The following ORC5 variants were observed in gnomAD, a reference collection of about 807,000 sequenced individuals.
ORC5 encodes protein phosphatase 1, regulatory subunit 117.
Under a neutral mutation model 58.8 loss-of-function variants are expected in ORC5, and 39 were observed. The ratio of observed to expected loss-of-function variants is 0.66; its 90% CI spans 0.51 to 0.87. The LOEUF (loss-of-function observed/expected upper bound fraction) is 0.87. Among genes scored for constraint, ORC5 ranks in the 40% least tolerant of loss-of-function variants. The probability of loss-of-function intolerance (pLI) is 0.00; values close to 1 mark genes in which losing one functional copy is unlikely to be tolerated. For missense variants in ORC5, 493 were observed against 506.3 expected (o/e 0.97, Z 0.25); for synonymous variants, 218 against 177.6 (o/e 1.23, Z -1.81).
chr7:104,133,029 T>C lies in ORC5; in HGVS notation c.1262+3752A>G, dbSNP rs539675594. Among the ~76,000 whole-genome samples, 3 of 152,280 alleles carry C rather than the reference T, an allele frequency of 2.0e-5. No homozygotes were observed. The highest frequency in any genetic ancestry group is 2.1e-4 in the South Asian group (1 of 4,824). On this transcript the variant is annotated intron_variant, in intron 13 of 13. Transcript: ENST00000297431. This position sits in a 1 kb window ranked among gnomAD's most constrained non-coding sequence, Gnocchi z 4.7. ...TGGAAAAAAGTGGTTAAAGTGCAGA[T>C]ACCGAGGAAAGAAGGTGTATGTGCT...
chr7:104,184,175 TA>T lies in ORC5; in HGVS notation c.685-5del. On this transcript the variant is annotated splice_polypyrimidine_tract_variant and splice_region_variant and intron_variant, in intron 6 of 13. Coordinates refer to ENST00000297431, the MANE Select transcript of ORC5 (RefSeq NM_002553.4). ...ATTTAGGAAAATTAAGTACTGCCTG[TA>T]AGTAAAGAAAAAAAAAGAGAAGAAA... is the stretch of plus-strand genomic sequence containing the variant. 6.6e-7 allele frequency: 1 copy of T among 1,519,836 alleles called. No homozygotes were observed. The highest frequency in any genetic ancestry group is 8.9e-7 in the Non-Finnish European group (1 of 1,117,378). 94.1% of individuals were successfully genotyped at this position (1,519,836 alleles called of 1,614,324 possible). A position where few individuals can be genotyped will look rare whatever the true frequency, so the allele number is the denominator to read the frequency against.
intron 12 of ORC5, among the ~76,000 whole-genome samples, chr7:104,147,601 A>G (rs770021316): frequency 3.3e-5 from 5 of 152,170 alleles, no homozygotes; most frequent in Non-Finnish European, 7.4e-5. Context: ...TAAAAGGACA[A>G]TTGGCATTAT....
rs1364749986 is a variant in ORC5 at position 104,138,273 on chromosome 7, C to CA, written c.1150-1381dup. On this transcript the variant is annotated intron_variant, in intron 12 of 13. Transcript: ENST00000297431. The surrounding 1 kb of genome is among the most constrained non-coding windows in gnomAD (Gnocchi z 4.7). ...CTAGAGACAGCTTTGTTTCATTACT[C>CA]AGACACATGACCGCTAAACCTTTAA... Among the ~76,000 whole-genome samples, 3 of 152,228 alleles carry CA rather than the reference C, an allele frequency of 2.0e-5. No individual in the cohort carries two copies. The highest frequency in any genetic ancestry group is 4.4e-5 in the Non-Finnish European group (3 of 68,040).
intron 4 of ORC5, among the ~76,000 whole-genome samples, chr7:104,196,504 T>C (rs1314827556): frequency 1.3e-5 from 2 of 152,214 alleles, no homozygotes; most frequent in Non-Finnish European, 2.9e-5. Flanking sequence ...CTTATTATCC[T>C]GTCCTCTCTA....
chr7:104,168,716 T>G (rs143791662), intron 8 of ORC5, among the ~76,000 whole-genome samples, 191 bp from the exon 9 acceptor site: 7 of 151,896 alleles, frequency 4.6e-5, no homozygotes, highest in African/African-American at 1.7e-4. Flanking sequence ...TGTCATAAAT[T>G]TATAAAGCAA....
intron 11 of ORC5, 37 bp downstream of exon 11, chr7:104,165,198 C>T (rs1247774629): frequency 1.9e-6 from 2 of 1,027,908 alleles, no homozygotes; most frequent in Non-Finnish European, 1.5e-6. Flanking sequence ...ATCTTCATTT[C>T]CTAAGTTTCT....
At chr7:104,202,046 T>C (rs1264002522) in intron 2 of ORC5, among the ~76,000 whole-genome samples, 1 of 152,120 alleles carries the variant, frequency 6.6e-6, no homozygotes, top group African/African-American at 2.4e-5. Context: ...GCTATGATCA[T>C]AACACTGCAC....
intron 1 of ORC5, among the ~76,000 whole-genome samples, chr7:104,204,734 TGCATACTCACTGATGCTG>T (rs1800032036): frequency 6.6e-6 from 1 of 152,258 alleles, no homozygotes; most frequent in African/African-American, 2.4e-5. Context: ...TTCTGAACTA[TGCATACTCACTGATGCTG>T]GCATAAATGC....
rs141900860 is a variant in ORC5 at position 104,138,443 on chromosome 7, G to C, written c.1150-1550C>G. On this transcript the variant is annotated intron_variant, in intron 12 of 13. Transcript: ENST00000297431. This position sits in a 1 kb window ranked among gnomAD's most constrained non-coding sequence, Gnocchi z 4.7. The stretch of plus-strand genomic sequence containing the variant: ...TTAAGAGTTAGGTAGCTGGTTAGAT[G>C]AGAGATAAGAAATACATCCTTCAGA... Among the ~76,000 whole-genome samples, 64 of 152,208 alleles carry C rather than the reference G, an allele frequency of 4.2e-4. No individual in the cohort carries two copies. The highest frequency in any genetic ancestry group is 1.5e-3 in the African/African-American group (64 of 41,518).
intron 12 of ORC5, among the ~76,000 whole-genome samples, chr7:104,137,735 T>C (rs1307677983): frequency 6.6e-6 from 1 of 152,030 alleles, no homozygotes; most frequent in Non-Finnish European, 1.5e-5. Context: ...CAAGAGCGGC[T>C]AGACTTCAGG....
intron 12 of ORC5, among the ~76,000 whole-genome samples, chr7:104,146,261 C>T (rs1340224612): frequency 6.6e-6 from 1 of 152,108 alleles, no homozygotes; most frequent in Non-Finnish European, 1.5e-5. Flanking sequence ...AACATATACG[C>T]CTTATAAAAC....
rs1201541519 is a variant in ORC5 at position 104,195,211 on chromosome 7, CA to C, written c.484del (p.Trp162GlyfsTer23). ...VTVLFLSEIV[W>X]EKFRPNTGCF... is the part of the protein sequence containing the mutation. ...TCCAGTATTTGGACGAAACTTTTCCCAAACAATTTCACTGAGAAAGAGAACA... is the reference window on the plus strand; with the variant it reads ...TCCAGTATTTGGACGAAACTTTTCCCAACAATTTCACTGAGAAAGAGAACA... On this transcript the variant is annotated frameshift_variant, in exon 5 of 14. Coordinates refer to ENST00000297431, the MANE Select transcript of ORC5 (RefSeq NM_002553.4). LOFTEE classifies it high-confidence loss of function. 6.4e-7 allele frequency: 1 copy of C among 1,572,796 alleles called. No homozygotes were observed. Among genetic ancestry groups the C allele is most frequent in the Non-Finnish European group, 8.6e-7 (1 of 1,165,214 alleles).
Position 104,136,896 on chromosome 7 carries a change from A to G in ORC5, c.1150-3T>C, listed in dbSNP as rs1178383072. 2 of 1,590,708 alleles carry G rather than the reference A, an allele frequency of 1.3e-6. No individual in the cohort carries two copies. Among genetic ancestry groups the G allele is most frequent in the Non-Finnish European group, 1.7e-6 (2 of 1,158,804 alleles). On this transcript the variant is annotated splice_polypyrimidine_tract_variant and splice_region_variant and intron_variant, in intron 12 of 13. Coordinates refer to ENST00000297431, the MANE Select transcript of ORC5 (RefSeq NM_002553.4). This position sits in a 1 kb window ranked among gnomAD's most constrained non-coding sequence, Gnocchi z 4.2. Reference sequence around the variant, plus strand: ...TGAAGGGTCACTAGAGAGGTAATCTAAAAGAGAACATTTTTATAAGAAACT... The same window carrying G: ...TGAAGGGTCACTAGAGAGGTAATCTGAAAGAGAACATTTTTATAAGAAACT...
chr7:104,155,141 C>G (rs565459428), intron 12 of ORC5, among the ~76,000 whole-genome samples: 2 of 151,772 alleles, frequency 1.3e-5, no homozygotes, highest in South Asian at 4.1e-4. Flanking sequence ...CCGTAAGAAA[C>G]GATTGTTGAT....
At chr7:104,198,135 C>G (rs1799846614) in intron 3 of ORC5, among the ~76,000 whole-genome samples, 1 of 152,190 alleles carries the variant, frequency 6.6e-6, no homozygotes, top group South Asian at 2.1e-4. Flanking sequence ...ATGCAGGGAC[C>G]TCAACCTTTG....
intron 1 of ORC5, among the ~76,000 whole-genome samples, chr7:104,207,431 A>T (rs1800117117): frequency 6.6e-6 from 1 of 152,200 alleles, no homozygotes; most frequent in Admixed American, 6.5e-5. Flanking sequence ...CCACCTCTCT[A>T]CACTTGACTC....
In ORC5 at chr7:104,126,611, G is replaced by A. The variant is rs1364983467; in HGVS notation, c.*237C>T. 6.7e-6 allele frequency: 3 copies of A among 449,178 alleles called. No homozygotes were observed. The highest frequency in any genetic ancestry group is 6.1e-5 in the African/African-American group (3 of 49,086). 27.8% of individuals were successfully genotyped at this position (449,178 alleles called of 1,614,324 possible). ...GTAGAACAGATTGTGCTCAAACCCTGCTGTTTATAATTAACACGTTGCTTC... is the reference window on the plus strand; with the variant it reads ...GTAGAACAGATTGTGCTCAAACCCTACTGTTTATAATTAACACGTTGCTTC... On this transcript the variant is annotated 3_prime_UTR_variant, in exon 14 of 14. Transcript: ENST00000297431.
chr7:104,126,913 A>G lies in ORC5; in HGVS notation c.1263-20T>C. On this transcript the variant is annotated intron_variant, in intron 13 of 13. Transcript: ENST00000297431. Reference sequence around the variant, plus strand: ...ACCGTCCTAAAAACAAAAACAGATAATATGTTAGCATTCTCACCCCTAGAT... The same window carrying G: ...ACCGTCCTAAAAACAAAAACAGATAGTATGTTAGCATTCTCACCCCTAGAT... 6.5e-7 allele frequency: 1 copy of G among 1,548,814 alleles called. No individual in the cohort carries two copies. Among genetic ancestry groups the G allele is most frequent in the Non-Finnish European group, 8.9e-7 (1 of 1,122,302 alleles).
chr7:104,174,986 T>C (rs1049305617), intron 8 of ORC5, among the ~76,000 whole-genome samples: 2 of 152,172 alleles, frequency 1.3e-5, no homozygotes, highest in African/African-American at 4.8e-5. Context: ...AAACTCTAAG[T>C]AAAAGGTCAA....
Sources: allele counts gnomAD v4.1 joint callset (sites outside exome capture counted in the v4.1 genomes callset), GRCh38; gene constraint gnomAD v4.1.1; non-coding constraint Gnocchi (gnomAD v3.1); transcripts MANE v1.5; gene names NCBI Gene and HGNC (gene_info 2026-07-23, HGNC 2026-07-21).